The following SH3KBP1 variants were observed in gnomAD, a reference collection of about 807,000 sequenced individuals.
SH3KBP1 encodes SH3 domain-containing kinase-binding protein 1.
Under a neutral mutation model 50.1 loss-of-function variants are expected in SH3KBP1, and 8 were observed. The observed-to-expected ratio is 0.16, with a 90% confidence interval of 0.09 to 0.29. The LOEUF is 0.29. SH3KBP1 is among the 10% of genes least tolerant of loss of function. The pLI is 1.00. For missense variants in SH3KBP1, 377 were observed against 535.2 expected, an observed-to-expected ratio of 0.70 and a Z score of 2.92; for synonymous variants, 227 against 218.6, an observed-to-expected ratio of 1.04 and a Z score of -0.34.
intron 12 of SH3KBP1, among the ~76,000 whole-genome samples, chrX:19,576,701 C>T (rs1429826151): frequency 2.7e-5 from 3 of 112,286 alleles, no homozygotes; most frequent in Non-Finnish European, 5.6e-5. Context: ...CCTCAGCCTC[C>T]CAAGTCACTG....
At chrX:19,881,201 C>G (rs1203556691) in intron 1 of SH3KBP1, among the ~76,000 whole-genome samples, 1 of 111,700 alleles carries the variant, frequency 9.0e-6, no homozygotes, top group African/African-American at 3.3e-5. Flanking sequence ...TGGTGGCTGC[C>G]GAGCTTCACG....
At chrX:19,600,338 C>T (rs2067049537) in intron 9 of SH3KBP1, among the ~76,000 whole-genome samples, 1 of 110,401 alleles carries the variant, frequency 9.1e-6, no homozygotes, top group Admixed American at 9.7e-5. Context: ...GAGCTGAGAT[C>T]GTGCCACTGC....
At chrX:19,880,177 A>T (rs1226776775) in intron 1 of SH3KBP1, among the ~76,000 whole-genome samples, 1 of 113,072 alleles carries the variant, frequency 8.8e-6, no homozygotes, top group Non-Finnish European at 1.9e-5. Flanking sequence ...CATGTAATAC[A>T]TGTGGCATCA....
At chrX:19,886,948 T>G (rs2069603833) in intron 1 of SH3KBP1, among the ~76,000 whole-genome samples, 1 of 108,959 alleles carries the variant, frequency 9.2e-6, no homozygotes, top group African/African-American at 3.4e-5. Context: ...GGTGCCCGTG[T>G]CCGCAGCGCA....
chrX:19,661,355 A>C (rs1331092358), intron 6 of SH3KBP1, among the ~76,000 whole-genome samples: 1 of 111,719 alleles, frequency 9.0e-6, no homozygotes, highest in African/African-American at 3.3e-5. Context: ...GTTTACAAAA[A>C]GTTTGTAATG....
At chrX:19,654,405 G>A (rs1283818524) in intron 6 of SH3KBP1, among the ~76,000 whole-genome samples, 1 of 111,679 alleles carries the variant, frequency 9.0e-6, no homozygotes, top group Middle Eastern at 4.2e-3. Context: ...TGTGCTAAAT[G>A]AAGTGGAGAA....
At chrX:19,758,753 G>A (rs1377695364) in intron 2 of SH3KBP1, among the ~76,000 whole-genome samples, 1 of 111,595 alleles carries the variant, frequency 9.0e-6, no homozygotes, top group East Asian at 2.8e-4. Flanking sequence ...CGTTTCTGCT[G>A]TCTTTTTAAC....
At chrX:19,857,418 G>A (rs1035604794) in intron 1 of SH3KBP1, among the ~76,000 whole-genome samples, 1 of 110,813 alleles carries the variant, frequency 9.0e-6, no homozygotes, top group African/African-American at 3.3e-5. Flanking sequence ...GAAGCAAGGA[G>A]CTTGATTAAG....
intron 6 of SH3KBP1, among the ~76,000 whole-genome samples, chrX:19,653,745 C>CAT (rs1204916556): frequency 1.0e-5 from 1 of 98,884 alleles, no homozygotes; most frequent in Non-Finnish European, 2.0e-5. Flanking sequence ...TATACATACA[C>CAT]ATATATATAT....
At chrX:19,565,083 C>T (rs1248051658) in intron 13 of SH3KBP1, among the ~76,000 whole-genome samples, 5 of 53,166 alleles carry the variant, frequency 9.4e-5, no homozygotes, top group African/African-American at 2.3e-4. Flanking sequence ...TTTTTTGAGG[C>T]GAAGTCTCGC....
intron 2 of SH3KBP1, among the ~76,000 whole-genome samples, chrX:19,778,214 C>T (rs977196715): frequency 3.6e-5 from 4 of 110,502 alleles, no homozygotes; most frequent in African/African-American, 6.6e-5. Context: ...GGGTGGATCA[C>T]GAGGTCAGGA....
At chrX:19,730,155 T>A (rs774598398) in intron 3 of SH3KBP1, among the ~76,000 whole-genome samples, 33 of 111,630 alleles carry the variant, frequency 3.0e-4, no homozygotes, top group East Asian at 1.1e-3. Flanking sequence ...AGCTTTTTTT[T>A]AAAAAAGGTC....
rs2063578993 is a variant in SH3KBP1, at chrX:19,703,696, C to CCG, written c.390+3184_390+3185insCG. Among the ~76,000 whole-genome samples the CCG allele has an allele frequency of 4.7e-5, 3 of 63,503 alleles. No individual in the cohort carries two copies. The South Asian group carries it at 3.6e-3, about 75-fold the overall frequency. 55.1% of individuals were successfully genotyped at this position (63,503 alleles called of 115,157 possible). A position where few individuals can be genotyped will look rare whatever the true frequency, so the allele number is the denominator to read the frequency against. On this transcript the variant is annotated intron_variant, in intron 4 of 17. Coordinates refer to ENST00000397821, the MANE Select transcript of SH3KBP1 (RefSeq NM_031892.3). ...TTATCTGTCAGGGCAAAAAGAGAAACTGTGTGTGTGTGTGTGTGTGTGTGT... is the reference window on the plus strand; with the variant it reads ...TTATCTGTCAGGGCAAAAAGAGAAACCGTGTGTGTGTGTGTGTGTGTGTGTGT...
At chrX:19,746,168 G>A (rs2064912356) in intron 3 of SH3KBP1, 150 bp downstream of exon 3, 2 of 556,451 alleles carry the variant, frequency 3.6e-6, no homozygotes, top group Admixed American at 3.6e-5. Flanking sequence ...CACTTGCCAA[G>A]TATGTATGTG....
At chrX:19,558,594 C>A in intron 13 of SH3KBP1, among the ~76,000 whole-genome samples, 1 of 111,718 alleles carries the variant, frequency 9.0e-6, no homozygotes, top group Non-Finnish European at 1.9e-5. Flanking sequence ...ATATTTCCAA[C>A]CCCTACTGCT....
chrX:19,712,934 A>G (rs2148695162), intron 3 of SH3KBP1, among the ~76,000 whole-genome samples: 1 of 111,808 alleles, frequency 8.9e-6, no homozygotes, highest in East Asian at 2.8e-4. Context: ...GTTTACAAAA[A>G]CTGATCTGGT....
chrX:19,728,220 A>T (rs1040531887), intron 3 of SH3KBP1, among the ~76,000 whole-genome samples: 26 of 111,583 alleles, frequency 2.3e-4, no homozygotes, highest in African/African-American at 8.5e-4. Flanking sequence ...TATACTTGCC[A>T]GTTGAGTATC....
intron 3 of SH3KBP1, among the ~76,000 whole-genome samples, chrX:19,735,744 G>GGGGGGGGA (rs2064545951): frequency 1.4e-5 from 1 of 72,649 alleles, no homozygotes; most frequent in Non-Finnish European, 2.6e-5. Flanking sequence ...GGGTGGGGGG[G>GGGGGGGGA]ACGGATTCTT....
chrX:19,753,562 A>G (rs767224025), intron 2 of SH3KBP1, among the ~76,000 whole-genome samples: 2 of 110,449 alleles, frequency 1.8e-5, no homozygotes, highest in Non-Finnish European at 3.8e-5. Flanking sequence ...TCGTGCAGAG[A>G]CTGTGCCTTC....
Sources: gnomAD v4.1 joint callset for allele counts (sites outside exome capture counted in the v4.1 genomes callset) on GRCh38, gnomAD v4.1.1 for gene constraint, MANE v1.5 for transcripts, NCBI Gene and HGNC (gene_info 2026-07-23, HGNC 2026-07-21) for gene names.